Variants in VPS37B observed in about 807,000 individuals in gnomAD.
VPS37B encodes the protein vacuolar protein sorting-associated protein 37B.
In VPS37B, 11 loss-of-function variants were observed where a neutral mutation model predicts 21.2. The ratio of observed to expected loss-of-function variants is 0.52; its 90% CI spans 0.33 to 0.86. The LOEUF (loss-of-function observed/expected upper bound fraction) is 0.86, where lower values mean the gene tolerates loss of function less well. Ranked by LOEUF, VPS37B falls within the 40% of genes least tolerant of loss-of-function variation. VPS37B has a pLI of 0.03. For synonymous variants in VPS37B, 175 were observed against 159.6 expected (o/e 1.10, Z -0.73); for missense variants, 389 against 374.8 (o/e 1.04, Z -0.31).
chr12:122,869,321 C>T (rs544585009), intron 2 of VPS37B, among the ~76,000 whole-genome samples: 2 of 152,318 alleles, frequency 1.3e-5, no homozygotes, highest in South Asian at 2.1e-4. Context: ...TGCTGTGCAG[C>T]GCATACACAC....
chr12:122,894,767 C>G (rs2034465157), intron 1 of VPS37B, among the ~76,000 whole-genome samples: 1 of 152,196 alleles, frequency 6.6e-6, no homozygotes, highest in African/African-American at 2.4e-5. Context: ...TACCCGAGAG[C>G]AAACCACACC....
At position 122,867,163 on chromosome 12, in the gene VPS37B, G is replaced by A; in HGVS notation, c.811C>T (p.Pro271Ser). 1.3e-6 allele frequency: 2 copies of A among 1,555,320 alleles called. No homozygotes were observed. The highest frequency in any genetic ancestry group is 1.7e-6 in the Non-Finnish European group (2 of 1,156,438). ...TGGTGTGGAGGGAGCCGGGGCGGGG[G>A]TCTCTGAGGGAGAGGTGGCGGATAT... The part of the protein sequence containing the change: ...SPYPPPLPQR[P>S]PPRLPPHQPG... Residue 271 changes from proline (P) to serine (S), a missense_variant, in exon 4 of 4, where the codon CCC (proline) becomes TCC (serine). By Grantham distance (74) the Pro-to-Ser change is moderately conservative. Transcript: ENST00000267202. The surrounding 1 kb of genome is among the most constrained non-coding windows in gnomAD (Gnocchi z 5.5).
intron 1 of VPS37B, chr12:122,887,743 G>C (rs1430268881): frequency 6.6e-6 from 1 of 152,226 alleles, no homozygotes; most frequent in African/African-American, 2.4e-5. Context: ...TGGTTTACTG[G>C]TTTCACATCC....
chr12:122,877,487 T>A (rs1461492739), intron 1 of VPS37B: 2 of 152,228 alleles, frequency 1.3e-5, no homozygotes, highest in African/African-American at 4.8e-5. Flanking sequence ...GCTCAAGCGA[T>A]CCTCTTGCCT....
intron 1 of VPS37B, chr12:122,873,106 G>A (rs1166057659): frequency 6.6e-6 from 1 of 152,258 alleles, no homozygotes; most frequent in African/African-American, 2.4e-5. Context: ...AGCGGTGTGT[G>A]TGGGACTATA....
intron 1 of VPS37B, chr12:122,884,933 T>A (rs931299710): frequency 6.6e-6 from 1 of 152,226 alleles, no homozygotes; most frequent in Admixed American, 6.5e-5. Context: ...TAAGACTGTA[T>A]CTTTTGACAA....
intron 1 of VPS37B, chr12:122,872,718 G>A: frequency 1.0e-6 from 1 of 984,334 alleles, no homozygotes; most frequent in Non-Finnish European, 1.2e-6. Context: ...TGGAAAACAG[G>A]CACTTTTTAA....
chr12:122,869,300 A>G (rs1790740047), intron 2 of VPS37B, among the ~76,000 whole-genome samples: 1 of 152,254 alleles, frequency 6.6e-6, no homozygotes, highest in Non-Finnish European at 1.5e-5. Context: ...GTATACACCC[A>G]GGAGCAGAGC....
chr12:122,871,641 T>C, intron 1 of VPS37B: 1 of 985,332 alleles, frequency 1.0e-6, no homozygotes, highest in Non-Finnish European at 1.2e-6. Context: ...TCCTAGCTGT[T>C]GGTGGGTGAG....
chr12:122,871,272 G>T, intron 1 of VPS37B: 2 of 1,337,352 alleles, frequency 1.5e-6, no homozygotes, highest in Non-Finnish European at 1.9e-6. Context: ...GAATGAGGCC[G>T]ACTTCCTTCC....
chr12:122,890,154 A>T (rs944933253), intron 1 of VPS37B: 2 of 152,156 alleles, frequency 1.3e-5, no homozygotes, highest in African/African-American at 4.8e-5. Flanking sequence ...TCTGGTAGAT[A>T]TTATTCTATT....
chr12:122,867,352 G>C lies in VPS37B; in HGVS notation c.622C>G (p.Pro208Ala). Residue 208 changes from proline to alanine, a missense_variant, in exon 4 of 4, where the codon CCC becomes GCC. By Grantham distance (27) the Pro-to-Ala change is conservative (BLOSUM62 -1). Transcript: ENST00000267202. This position sits in a 1 kb window ranked among gnomAD's most constrained non-coding sequence, Gnocchi z 5.5. ...GCAGGCACCGGGGGTGGTGGGGGGG[G>C]GATGCGCCGAGGTGCAACGGCAGGA... ...GPPAVAPRRI[P>A]PPPPPVPAGR... The C allele has an allele frequency of 6.3e-7, 1 of 1,584,574 alleles. No homozygotes were observed. Among genetic ancestry groups the C allele is most frequent in the South Asian group, 1.1e-5 (1 of 90,286 alleles).
Position 122,896,037 on chromosome 12 carries a change from C to G in VPS37B, c.26G>C (p.Arg9Pro). Residue 9 changes from arginine (R) to proline (P), a missense_variant, in exon 1 of 4, where the codon CGG (arginine) becomes CCG (proline). By Grantham distance (103) the Arg-to-Pro change is moderately radical (BLOSUM62 -2). Coordinates refer to ENST00000267202, the MANE Select transcript of VPS37B (RefSeq NM_024667.3). The part of the protein sequence containing the change: MAGAGSEA[R>P]FAGLSLVQLN... ...CTGCACCAGCGACAGCCCGGCGAACCGGGCTTCGCTCCCGGCGCCCGCCAT... is the reference window on the plus strand; with the variant it reads ...CTGCACCAGCGACAGCCCGGCGAACGGGGCTTCGCTCCCGGCGCCCGCCAT... 1 of 1,587,968 alleles carries G rather than the reference C, an allele frequency of 6.3e-7. No homozygotes were observed. The highest frequency in any genetic ancestry group is 8.5e-7 in the Non-Finnish European group (1 of 1,171,522).
At chr12:122,871,192 G>T in intron 1 of VPS37B, 131 bp from the exon 2 acceptor site, 2 of 1,433,958 alleles carry the variant, frequency 1.4e-6, no homozygotes, top group Non-Finnish European at 1.8e-6. Flanking sequence ...GGCACCGCAT[G>T]CCAGGCAGAT....
At chr12:122,885,409 T>C (rs2034306591) in intron 1 of VPS37B, 1 of 152,106 alleles carries the variant, frequency 6.6e-6, no homozygotes, top group South Asian at 2.1e-4. Context: ...ACATGAAAGA[T>C]CACATAGCTG....
intron 1 of VPS37B, among the ~76,000 whole-genome samples, chr12:122,892,186 A>G (rs1210123000): frequency 6.6e-6 from 1 of 152,248 alleles, no homozygotes; most frequent in Non-Finnish European, 1.5e-5. Context: ...CCTGCAGCAC[A>G]GACAAGAGAA....
chr12:122,871,539 G>A, intron 1 of VPS37B: 1 of 985,944 alleles, frequency 1.0e-6, no homozygotes, highest in Non-Finnish European at 1.2e-6. Context: ...CAACCAGCAA[G>A]CTGAAGAGAC....
rs1050168467 is a variant in VPS37B, at chr12:122,867,006, G to A, written c.*110C>T. 2.2e-6 allele frequency: 3 copies of A among 1,334,896 alleles called. No individual in the cohort carries two copies. The African/African-American group carries it at 4.5e-5, about 20-fold the overall frequency. 82.7% of individuals were successfully genotyped at this position (1,334,896 alleles called of 1,614,324 possible). On this transcript the variant is annotated 3_prime_UTR_variant, in exon 4 of 4. Coordinates refer to ENST00000267202, the MANE Select transcript of VPS37B (RefSeq NM_024667.3). This position sits in a 1 kb window ranked among gnomAD's most constrained non-coding sequence, Gnocchi z 5.5. Reference sequence around the variant, plus strand: ...GTTCTAAAATCAGACAGACACGCTGGCCCAGGGCCCCAGAGCCCTTGGCAC... The same window carrying A: ...GTTCTAAAATCAGACAGACACGCTGACCCAGGGCCCCAGAGCCCTTGGCAC...
intron 1 of VPS37B, chr12:122,871,401 A>G (rs2034031132): frequency 9.7e-7 from 1 of 1,029,878 alleles, no homozygotes; most frequent in East Asian, 8.5e-5. Context: ...AAACAGCTGT[A>G]AAGATTTAGA....
Sources: gnomAD v4.1 joint callset for allele counts (sites outside exome capture counted in the v4.1 genomes callset) on GRCh38, gnomAD v4.1.1 for gene constraint, Gnocchi (gnomAD v3.1) non-coding constraint, MANE v1.5 for transcripts, NCBI Gene and HGNC (gene_info 2026-07-23, HGNC 2026-07-21) for gene names.